Variants in THSD7A observed in about 807,000 individuals in gnomAD.
The protein encoded by THSD7A is thrombospondin type 1 domain containing 7A.
Under a neutral mutation model 231.3 loss-of-function variants are expected in THSD7A, and 96 were observed. The ratio of observed to expected loss-of-function variants is 0.41; its 90% CI spans 0.35 to 0.49. The LOEUF (loss-of-function observed/expected upper bound fraction) is 0.49. Ranked by LOEUF, THSD7A falls within the 20% of genes least tolerant of loss-of-function variation. The probability of loss-of-function intolerance (pLI) is 0.05; values close to 1 mark genes in which losing one functional copy is unlikely to be tolerated. For missense variants in THSD7A, 2,290 were observed against 2,070.2 expected (o/e 1.11, Z -2.06); for synonymous variants, 940 against 743.3 (o/e 1.26, Z -4.30).
intron 11 of THSD7A, among the ~76,000 whole-genome samples, chr7:11,451,271 T>C (rs769471653): frequency 3.3e-5 from 5 of 152,050 alleles, no homozygotes; most frequent in Non-Finnish European, 7.4e-5. Flanking sequence ...GAACAAACTA[T>C]GCATAAACAT....
At chr7:11,769,545 C>T (rs4605943) in intron 1 of THSD7A, among the ~76,000 whole-genome samples, 3 of 151,676 alleles carry the variant, frequency 2.0e-5, no homozygotes, top group Non-Finnish European at 2.9e-5. Flanking sequence ...AGAAAGGGTC[C>T]TTAGGGAAAC....
At chr7:11,484,874 A>ATTTTTTTTCTTTTTTTTTTTTTTTTTTT (rs1786585749) in intron 6 of THSD7A, among the ~76,000 whole-genome samples, 1 of 53,796 alleles carries the variant, frequency 1.9e-5, no homozygotes, top group Non-Finnish European at 3.1e-5. Flanking sequence ...CACAACCTTA[A>ATTTTTTTTCTTTTTTTTTTTTTTTTTTT]TTTTTTTTTT....
chr7:11,761,354 G>A (rs1782849620), intron 1 of THSD7A, among the ~76,000 whole-genome samples: 4 of 151,836 alleles, frequency 2.6e-5, no homozygotes, highest in African/African-American at 9.7e-5. Flanking sequence ...CCAAAATTCT[G>A]GTCAATATAT....
intron 13 of THSD7A, among the ~76,000 whole-genome samples, chr7:11,443,353 G>A (rs1784863238): frequency 1.3e-5 from 2 of 152,020 alleles, no homozygotes; most frequent in Admixed American, 1.3e-4. Flanking sequence ...AAAGTAGAAA[G>A]AGAATTTATA....
intron 23 of THSD7A, among the ~76,000 whole-genome samples, chr7:11,395,778 G>C (rs899267597): frequency 6.6e-6 from 1 of 151,906 alleles, no homozygotes; most frequent in Non-Finnish European, 1.5e-5. Context: ...CGCCCGCCTC[G>C]GCCTCCCAAA....
intron 6 of THSD7A, among the ~76,000 whole-genome samples, chr7:11,516,522 A>G (rs181174403): frequency 6.6e-6 from 1 of 152,302 alleles, no homozygotes; most frequent in Admixed American, 6.5e-5. Context: ...AAGCCCATTG[A>G]CCTTGCCTGT....
chr7:11,608,518 C>T (rs144276454), intron 2 of THSD7A, among the ~76,000 whole-genome samples: 176 of 152,266 alleles, frequency 1.2e-3, no homozygotes, highest in Non-Finnish European at 1.8e-3. Context: ...GTTACATTAA[C>T]GTTCACCTGA....
intron 9 of THSD7A, among the ~76,000 whole-genome samples, chr7:11,464,124 T>A (rs990341267): frequency 6.6e-5 from 10 of 152,152 alleles, no homozygotes; most frequent in African/African-American, 1.9e-4. Context: ...CAATTTCTAT[T>A]TTTTTCTTTT....
chr7:11,563,392 C>A (rs984739512), intron 4 of THSD7A, among the ~76,000 whole-genome samples: 1 of 152,114 alleles, frequency 6.6e-6, no homozygotes, highest in Non-Finnish European at 1.5e-5. Flanking sequence ...CGGAGTGTCC[C>A]TCTGTTTCCC....
chr7:11,431,269 C>T (rs936390142), intron 13 of THSD7A, among the ~76,000 whole-genome samples: 3 of 152,164 alleles, frequency 2.0e-5, no homozygotes, highest in Non-Finnish European at 4.4e-5. Flanking sequence ...TAGGAATCCA[C>T]TACCAAAGTC....
chr7:11,760,695 C>G (rs1016499400), intron 1 of THSD7A, among the ~76,000 whole-genome samples: 1 of 151,956 alleles, frequency 6.6e-6, no homozygotes, highest in Non-Finnish European at 1.5e-5. Flanking sequence ...TCATGTTGTA[C>G]CAGAGGCTTT....
chr7:11,462,499 C>A (rs1456111618), intron 9 of THSD7A, among the ~76,000 whole-genome samples: 2 of 152,166 alleles, frequency 1.3e-5, no homozygotes, highest in Non-Finnish European at 2.9e-5. Context: ...CATTGTCATG[C>A]TATTTTGCCT....
rs535356212 is a variant in THSD7A, at chr7:11,616,322, C to G, written c.1022+19808G>C. 3.9e-5 allele frequency among the ~76,000 whole-genome samples: 6 copies of G among 152,234 alleles called. No homozygotes were observed. In the East Asian group the frequency reaches 7.7e-4, roughly 20 times the overall value. ...CACAAAATGCACCTAAAATTTCATTCAGACTGTGGTGCTGACTTCATCTTT... is the reference window on the plus strand; with the variant it reads ...CACAAAATGCACCTAAAATTTCATTGAGACTGTGGTGCTGACTTCATCTTT... On this transcript the variant is annotated intron_variant, in intron 2 of 27. Coordinates refer to ENST00000423059, the MANE Select transcript of THSD7A (RefSeq NM_015204.3).
Position 11,831,869 on chromosome 7 carries a change from C to CAGG in THSD7A, c.77_78insCCT (p.Leu26dup), listed in dbSNP as rs1785207460. 1 of 1,279,392 alleles carries CAGG rather than the reference C, an allele frequency of 7.8e-7. No individual in the cohort carries two copies. The highest frequency in any genetic ancestry group is 1.5e-5 in the African/African-American group (1 of 64,896). 79.3% of individuals were successfully genotyped at this position (1,279,392 alleles called of 1,614,324 possible). On this transcript the variant is annotated inframe_insertion, in exon 1 of 28. Transcript: ENST00000423059. This position sits in a 1 kb window ranked among gnomAD's most constrained non-coding sequence, Gnocchi z 5.0. The stretch of plus-strand genomic sequence containing the variant: ...GCAGCGGCAGCGGCAGCGGCAGCGG[C>CAGG]AGCAGCTGCAGGACGCCCCGGCGCG...
chr7:11,604,118 G>A, intron 2 of THSD7A, among the ~76,000 whole-genome samples: 1 of 151,964 alleles, frequency 6.6e-6, no homozygotes, highest in Non-Finnish European at 1.5e-5. Flanking sequence ...CTATGTGCCA[G>A]ACACTGTTCT....
In THSD7A at chr7:11,445,305, G is replaced by T. The variant is rs186799813; in HGVS notation, c.3064+756C>A. ...TCTTTCATTCCATTATAAAAAGACA[G>T]ATGTATTAAAATAAAAGAAGACCAG... On this transcript the variant is annotated intron_variant, in intron 13 of 27. Transcript: ENST00000423059. Among the ~76,000 whole-genome samples the T allele has an allele frequency of 2.9e-3, 442 of 152,074 alleles. 7 individuals carry two copies. The highest frequency in any genetic ancestry group is 9.5e-3 in the African/African-American group (396 of 41,508).
At chr7:11,412,950 A>T (rs909917898) in intron 17 of THSD7A, 150 bp from the exon 18 acceptor site, 1 of 796,438 alleles carries the variant, frequency 1.3e-6, no homozygotes, top group African/African-American at 1.7e-5. Context: ...CAGTTGTTCA[A>T]TGTATAAAAT....
chr7:11,640,558 A>G (rs1782041498), intron 1 of THSD7A, among the ~76,000 whole-genome samples: 1 of 152,162 alleles, frequency 6.6e-6, no homozygotes, highest in South Asian at 2.1e-4. Flanking sequence ...TAGTAATATT[A>G]CATATATTTT....
At chr7:11,798,563 C>A (rs780995543) in intron 1 of THSD7A, among the ~76,000 whole-genome samples, 21 of 151,370 alleles carry the variant, frequency 1.4e-4, no homozygotes, top group Non-Finnish European at 2.8e-4. Flanking sequence ...GAAGAATGCT[C>A]ACAAATTGAG....
Sources: allele counts gnomAD v4.1 joint callset (sites outside exome capture counted in the v4.1 genomes callset), GRCh38; gene constraint gnomAD v4.1.1; non-coding constraint Gnocchi (gnomAD v3.1); transcripts MANE v1.5; gene names NCBI Gene and HGNC (gene_info 2026-07-23, HGNC 2026-07-21).